The following PPIP5K1 variants were observed in gnomAD, a reference collection of about 807,000 sequenced individuals.
PPIP5K1 encodes the protein inositol hexakisphosphate and diphosphoinositol-pentakisphosphate kinase 1.
In PPIP5K1, 6 loss-of-function variants were observed where a neutral mutation model predicts 27.7. That is an observed-to-expected ratio of 0.22 (90% confidence interval 0.12 to 0.43). The LOEUF (loss-of-function observed/expected upper bound fraction) is 0.43. Ranked by LOEUF, PPIP5K1 falls within the 20% of genes least tolerant of loss-of-function variation. PPIP5K1 has a pLI of 1.00. For missense variants in PPIP5K1, 394 were observed against 635.4 expected, an observed-to-expected ratio of 0.62 and a Z score of 4.08; for synonymous variants, 145 against 242.6, an observed-to-expected ratio of 0.60 and a Z score of 3.74.
At chr15:43,555,779 G>A (rs1036396208) in intron 30 of PPIP5K1, among the ~76,000 whole-genome samples, 3 of 151,496 alleles carry the variant, frequency 2.0e-5, no homozygotes, top group Non-Finnish European at 1.5e-5. Flanking sequence ...CTAATTTTTT[G>A]TATTTTAGTA....
intron 30 of PPIP5K1, among the ~76,000 whole-genome samples, chr15:43,557,733 T>G (rs976501166): frequency 1.1e-4 from 17 of 151,384 alleles, no homozygotes; most frequent in Admixed American, 8.6e-4. Flanking sequence ...GGCGTGATCA[T>G]AGCTCACTGC....
intron 31 of PPIP5K1, among the ~76,000 whole-genome samples, chr15:43,537,123 T>A (rs1214954672): frequency 6.7e-6 from 1 of 149,222 alleles, no homozygotes; most frequent in Non-Finnish European, 1.5e-5. Flanking sequence ...GATCACAAGG[T>A]CAGGAGTTCG....
chr15:43,561,281 A>T (rs1480090874), intron 28 of PPIP5K1, among the ~76,000 whole-genome samples: 1 of 92,648 alleles, frequency 1.1e-5, no homozygotes, highest in African/African-American at 4.0e-5. Flanking sequence ...ACAATCAGTT[A>T]AAAAAAAAAA....
At chr15:43,545,157 G>A (rs1365762360) in intron 30 of PPIP5K1, among the ~76,000 whole-genome samples, 9 of 150,306 alleles carry the variant, frequency 6.0e-5, no homozygotes, top group South Asian at 4.2e-4. Context: ...TAGCCTGGGC[G>A]ACAGAGCAAG....
intron 31 of PPIP5K1, chr15:43,536,220 A>C (rs1595678456): frequency 1.9e-6 from 1 of 534,510 alleles, no homozygotes; most frequent in Non-Finnish European, 3.0e-6. Flanking sequence ...GGAGCTCTAA[A>C]CCAGCCTGGC....
intron 29 of PPIP5K1, among the ~76,000 whole-genome samples, chr15:43,559,769 A>G (rs1219935122): frequency 1.3e-5 from 2 of 151,082 alleles, no homozygotes; most frequent in Non-Finnish European, 2.9e-5. Flanking sequence ...CTGGTGATGG[A>G]AAAAATGTCC....
chr15:43,545,504 G>A (rs946389642), intron 30 of PPIP5K1, among the ~76,000 whole-genome samples: 2 of 142,050 alleles, frequency 1.4e-5, no homozygotes, highest in African/African-American at 5.3e-5. Flanking sequence ...TAGTGATGGG[G>A]TTGTTCAGGT....
At chr15:43,579,435 T>C (rs1188812454) in intron 10 of PPIP5K1, among the ~76,000 whole-genome samples, 4 of 110,594 alleles carry the variant, frequency 3.6e-5, no homozygotes, top group Non-Finnish European at 6.5e-5. Context: ...TATGTGTACA[T>C]ACACACACGT....
rs546669188 is a variant in PPIP5K1, at chr15:43,580,616, C to T, written c.1061+386G>A. 1.3e-4 allele frequency among the ~76,000 whole-genome samples: 15 copies of T among 116,590 alleles called. 1 individual carries two copies. The highest frequency in any genetic ancestry group is 4.2e-4 in the African/African-American group (9 of 21,626). 76.5% of individuals were successfully genotyped at this position (116,590 alleles called of 152,430 possible). On this transcript the variant is annotated intron_variant, in intron 10 of 31. Transcript: ENST00000420765. Reference sequence around the variant, plus strand: ...TAATTAATTTATTTATTTATTGGGACGCAGTTTTGCTCTTGTCACCCAGGC... The same window carrying T: ...TAATTAATTTATTTATTTATTGGGATGCAGTTTTGCTCTTGTCACCCAGGC...
chr15:43,549,056 A>AAAAAAT (rs1567039538), intron 30 of PPIP5K1, among the ~76,000 whole-genome samples: 5 of 54,284 alleles, frequency 9.2e-5, no homozygotes, highest in Admixed American at 2.6e-4. Flanking sequence ...AAAAAAAAAA[A>AAAAAAT]ATATATATAT....
chr15:43,557,413 ACTC>A (rs2083123574), intron 30 of PPIP5K1, among the ~76,000 whole-genome samples: 1 of 151,970 alleles, frequency 6.6e-6, no homozygotes, highest in African/African-American at 2.4e-5. Context: ...CTGCCACTGC[ACTC>A]CAGCCTGGGT....
At chr15:43,538,888 G>C (rs1435283740) in intron 31 of PPIP5K1, among the ~76,000 whole-genome samples, 1 of 152,162 alleles carries the variant, frequency 6.6e-6, no homozygotes, top group Non-Finnish European at 1.5e-5. Flanking sequence ...AGATCAAATA[G>C]GGATGAAAGG....
intron 29 of PPIP5K1, 103 bp from the exon 30 acceptor site, chr15:43,559,035 T>C: frequency 6.9e-7 from 1 of 1,452,988 alleles, no homozygotes; most frequent in South Asian, 1.2e-5. Flanking sequence ...GGAGAGTCCG[T>C]GGCTTTTGGA....
At chr15:43,541,120 A>G (rs1325588686) in intron 30 of PPIP5K1, among the ~76,000 whole-genome samples, 1 of 151,758 alleles carries the variant, frequency 6.6e-6, no homozygotes, top group Non-Finnish European at 1.5e-5. Flanking sequence ...TCCTTTTTTC[A>G]TAGTAACTTT....
At chr15:43,535,861 A>G (rs1469346863) in intron 31 of PPIP5K1, among the ~76,000 whole-genome samples, 3 of 152,230 alleles carry the variant, frequency 2.0e-5, no homozygotes, top group African/African-American at 7.2e-5. Context: ...ATTTTTTAAA[A>G]TACTAATTTC....
intron 30 of PPIP5K1, among the ~76,000 whole-genome samples, chr15:43,554,384 G>A (rs972961958): frequency 3.3e-5 from 5 of 152,038 alleles, no homozygotes; most frequent in Non-Finnish European, 7.4e-5. Flanking sequence ...CTGGGCTCAA[G>A]CAATCCTCCC....
At chr15:43,545,474 CTTTT>C (rs56710390) in intron 30 of PPIP5K1, among the ~76,000 whole-genome samples, 3 of 119,076 alleles carry the variant, frequency 2.5e-5, no homozygotes, top group East Asian at 4.8e-4. Context: ...CTGTACACTT[CTTTT>C]TTTTTTTTTT....
Position 43,533,851 on chromosome 15 carries a change from C to G in PPIP5K1, c.*823G>C, listed in dbSNP as rs1459877485. 1.3e-5 allele frequency: 2 copies of G among 152,176 alleles called. No homozygotes were observed. The highest frequency in any genetic ancestry group is 4.8e-5 in the African/African-American group (2 of 41,424). 9.4% of individuals were successfully genotyped at this position (152,176 alleles called of 1,614,324 possible). On this transcript the variant is annotated 3_prime_UTR_variant, in exon 32 of 32. Transcript: ENST00000420765. The stretch of plus-strand genomic sequence containing the variant: ...GAGGAGGCCCACTTTCACAGACTGG[C>G]TAAGAATCCTCTAGAGCATTTTAAG...
In PPIP5K1 at chr15:43,533,586, G is replaced by A. The variant is rs1360476781; in HGVS notation, c.*1088C>T. The A allele has an allele frequency of 6.6e-6, 1 of 152,394 alleles. No individual in the cohort carries two copies. Among genetic ancestry groups the A allele is most frequent in the African/African-American group, 2.4e-5 (1 of 41,332 alleles). 9.4% of individuals were successfully genotyped at this position (152,394 alleles called of 1,614,324 possible). A position where few individuals can be genotyped will look rare whatever the true frequency, so the allele number is the denominator to read the frequency against. ...TCCCATCCCTGGATCTTTGGAAAAA[G>A]CTTCATAATCATATCTGGCCCTCAG... On this transcript the variant is annotated 3_prime_UTR_variant, in exon 32 of 32. Transcript: ENST00000420765.
Sources: allele counts gnomAD v4.1 joint callset (sites outside exome capture counted in the v4.1 genomes callset), GRCh38; gene constraint gnomAD v4.1.1; transcripts MANE v1.5; gene names NCBI Gene and HGNC (gene_info 2026-07-23, HGNC 2026-07-21).